CCND2: variants seen among roughly 807,000 people sequenced by gnomAD.
CCND2 encodes the protein G1/S-specific cyclin-D2.
Under a neutral mutation model 30.2 loss-of-function variants are expected in CCND2, and 6 were observed. The observed-to-expected ratio is 0.20, with a 90% CI of 0.11 to 0.39. The LOEUF is 0.39. Ranked by LOEUF, CCND2 falls within the 10% of genes least tolerant of loss-of-function variation. CCND2 has a pLI of 1.00. For synonymous variants in CCND2, 150 were observed against 153.1 expected, an observed-to-expected ratio of 0.98 and a Z score of 0.15; for missense variants, 235 against 373.4, an observed-to-expected ratio of 0.63 and a Z score of 3.06.
rs142410257 is a variant in CCND2, at chr12:4,296,121, C to T, written c.721-3739C>T. ...GACACTGGGAACTCCAAAGGGAAGA[C>T]GCGCATGGCCTGAAACCGAGTTCTT... On this transcript the variant is annotated intron_variant, in intron 4 of 4. Transcript: ENST00000261254. Among the ~76,000 whole-genome samples, 40 of 152,332 alleles carry T rather than the reference C, an allele frequency of 2.6e-4. No individual in the cohort carries two copies. The East Asian group carries it at 6.6e-3, about 25-fold the overall frequency.
rs568048546 is a variant in CCND2, at chr12:4,282,201, G to C, written c.571+3282G>C. 6.6e-6 allele frequency among the ~76,000 whole-genome samples: 1 copy of C among 152,156 alleles called. No individual in the cohort carries two copies. Among genetic ancestry groups the C allele is most frequent in the Non-Finnish European group, 1.5e-5 (1 of 68,008 alleles). On this transcript the variant is annotated intron_variant, in intron 3 of 4. Transcript: ENST00000261254. This position sits in a 1 kb window ranked among gnomAD's most constrained non-coding sequence, Gnocchi z 4.3. The stretch of plus-strand genomic sequence containing the variant: ...TTCCAGTTAGTCTAGCAGAGCCAAT[G>C]GCATTGAGTTTACACCTGGCACCGG...
At chr12:4,296,406 G>A (rs1291501696) in intron 4 of CCND2, among the ~76,000 whole-genome samples, 1 of 152,254 alleles carries the variant, frequency 6.6e-6, no homozygotes, top group Non-Finnish European at 1.5e-5. Context: ...ATTCACCAAG[G>A]GCTGTGCCAT....
At chr12:4,288,582 T>C (rs1565435193) in intron 3 of CCND2, among the ~76,000 whole-genome samples, 1 of 152,218 alleles carries the variant, frequency 6.6e-6, no homozygotes, top group Non-Finnish European at 1.5e-5. Flanking sequence ...TTGAATCCTC[T>C]GTGCATTCAT....
intron 4 of CCND2, among the ~76,000 whole-genome samples, chr12:4,290,183 C>T (rs962606156): frequency 7.9e-5 from 12 of 152,316 alleles, no homozygotes; most frequent in Admixed American, 2.0e-4. Flanking sequence ...TGCAGCTCGC[C>T]GGCCTCCTCG....
chr12:4,280,347 A>G (rs974863354), intron 3 of CCND2, among the ~76,000 whole-genome samples: 4 of 152,212 alleles, frequency 2.6e-5, no homozygotes, highest in Non-Finnish European at 5.9e-5. Context: ...CTGCACTTGC[A>G]GGCTTGAGTG....
At position 4,282,779 on chromosome 12, in the gene CCND2, T is replaced by C. The variant is rs1863967163; in HGVS notation, c.571+3860T>C. On this transcript the variant is annotated intron_variant, in intron 3 of 4. Transcript: ENST00000261254. This position sits in a 1 kb window ranked among gnomAD's most constrained non-coding sequence, Gnocchi z 4.3. Reference sequence around the variant, plus strand: ...AGCAGGCCTTGCAGTTGCATGGGCATTCCCTTGCCATGGCAGCCCTGCCCC... The same window carrying C: ...AGCAGGCCTTGCAGTTGCATGGGCACTCCCTTGCCATGGCAGCCCTGCCCC... 6.6e-6 allele frequency among the ~76,000 whole-genome samples: 1 copy of C among 152,218 alleles called. No homozygotes were observed. The highest frequency in any genetic ancestry group is 6.5e-5 in the Admixed American group (1 of 15,282).
chr12:4,277,168 G>A (rs1437562912), intron 2 of CCND2, among the ~76,000 whole-genome samples: 1 of 152,242 alleles, frequency 6.6e-6, no homozygotes, highest in African/African-American at 2.4e-5. Context: ...CGAGAATGTG[G>A]AGAGGGGCCT....
In CCND2 at chr12:4,287,716, T is replaced by G. The variant is rs1864043018; in HGVS notation, c.572-1126T>G. On this transcript the variant is annotated intron_variant, in intron 3 of 4. Coordinates refer to ENST00000261254, the MANE Select transcript of CCND2 (RefSeq NM_001759.4). The surrounding 1 kb of genome is among the most constrained non-coding windows in gnomAD (Gnocchi z 4.0). ...CATCTTCTGTGGCTGATGGGTAAAT[T>G]AAACAGGACGTAATGTGTAGCGTAC... Among the ~76,000 whole-genome samples, 1 of 152,192 alleles carries G rather than the reference T, an allele frequency of 6.6e-6. No homozygotes were observed. Among genetic ancestry groups the G allele is most frequent in the South Asian group, 2.1e-4 (1 of 4,832 alleles).
chr12:4,293,522 ACAGTACC>A lies in CCND2; in HGVS notation c.720+4535_720+4541del, dbSNP rs1565436789. On this transcript the variant is annotated intron_variant, in intron 4 of 4. Coordinates refer to ENST00000261254, the MANE Select transcript of CCND2 (RefSeq NM_001759.4). The surrounding 1 kb of genome is among the most constrained non-coding windows in gnomAD (Gnocchi z 4.9). ...CGAACCCGTCACCCAGACAGTGTACACAGTACCCAATAGGGAGTGTTTCAACTCTCGT... is the reference window on the plus strand; with the variant it reads ...CGAACCCGTCACCCAGACAGTGTACACAATAGGGAGTGTTTCAACTCTCGT... 6.6e-6 allele frequency among the ~76,000 whole-genome samples: 1 copy of A among 151,974 alleles called. No individual in the cohort carries two copies.
intron 3 of CCND2, among the ~76,000 whole-genome samples, chr12:4,280,219 T>C (rs1455921029): frequency 6.6e-6 from 1 of 152,266 alleles, no homozygotes; most frequent in African/African-American, 2.4e-5. Flanking sequence ...CCTTCACTAA[T>C]TGTGAAAATG....
In CCND2 at chr12:4,301,227, T is replaced by C; in HGVS notation, c.*1218T>C. ...CCTGTAAACTAAAATCTGTTACCAT[T>C]CTGATGGCACAGAAGGATCTTAATT... On this transcript the variant is annotated 3_prime_UTR_variant, in exon 5 of 5. Transcript: ENST00000261254. 8.6e-6 allele frequency: 2 copies of C among 233,714 alleles called. No individual in the cohort carries two copies. The highest frequency in any genetic ancestry group is 8.5e-6 in the Non-Finnish European group (1 of 118,044). 14.5% of individuals were successfully genotyped at this position (233,714 alleles called of 1,614,324 possible).
At chr12:4,281,359 G>T (rs764518085) in intron 3 of CCND2, among the ~76,000 whole-genome samples, 1 of 152,178 alleles carries the variant, frequency 6.6e-6, no homozygotes, top group Non-Finnish European at 1.5e-5. Flanking sequence ...CGCTTTTCTT[G>T]AAGGAAACAC....
chr12:4,283,817 G>A (rs941181216), intron 3 of CCND2, among the ~76,000 whole-genome samples: 1 of 152,186 alleles, frequency 6.6e-6, no homozygotes, highest in Non-Finnish European at 1.5e-5. Context: ...GAATGTGCTG[G>A]GTTAGAGTTG....
chr12:4,286,944 G>A (rs541747849), intron 3 of CCND2, among the ~76,000 whole-genome samples: 1 of 152,334 alleles, frequency 6.6e-6, no homozygotes, highest in Non-Finnish European at 1.5e-5. Flanking sequence ...GCCATGGGCC[G>A]GCTGCCCCGC....
intron 3 of CCND2, among the ~76,000 whole-genome samples, chr12:4,279,349 A>G (rs187081924): frequency 2.1e-3 from 326 of 152,228 alleles, no homozygotes; most frequent in Admixed American, 5.2e-3. Flanking sequence ...GTCAAGATAA[A>G]TATGCTGCCT....
At chr12:4,289,759 G>C (rs1192400052) in intron 4 of CCND2, among the ~76,000 whole-genome samples, 2 of 152,180 alleles carry the variant, frequency 1.3e-5, no homozygotes, top group Non-Finnish European at 2.9e-5. Flanking sequence ...ATGGTGCCAA[G>C]AGGTCAGAGA....
chr12:4,286,987 G>A (rs995910914), intron 3 of CCND2, among the ~76,000 whole-genome samples: 1 of 152,238 alleles, frequency 6.6e-6, no homozygotes, highest in Non-Finnish European at 1.5e-5. Flanking sequence ...GGGAGCTAAC[G>A]AGGTTATTGG....
rs1174766405 is a variant in CCND2 at position 4,293,946 on chromosome 12, C to T, written c.720+4956C>T. Among the ~76,000 whole-genome samples the T allele has an allele frequency of 1.3e-5, 2 of 152,098 alleles. No homozygotes were observed. ...TCTCCTGCCTCATTTTTCTGTGGGC[C>T]TCATTTGGTATGCAAGGAAATAAGC... On this transcript the variant is annotated intron_variant, in intron 4 of 4. Transcript: ENST00000261254. The surrounding 1 kb of genome is among the most constrained non-coding windows in gnomAD (Gnocchi z 4.9).
chr12:4,295,798 G>A (rs1397438352), intron 4 of CCND2, among the ~76,000 whole-genome samples: 4 of 152,220 alleles, frequency 2.6e-5, no homozygotes, highest in African/African-American at 4.8e-5. Flanking sequence ...AAAGCTGGCC[G>A]TAGTCAAGTC....
Sources: gnomAD v4.1 joint callset for allele counts (sites outside exome capture counted in the v4.1 genomes callset) on GRCh38, gnomAD v4.1.1 for gene constraint, Gnocchi (gnomAD v3.1) non-coding constraint, MANE v1.5 for transcripts, NCBI Gene and HGNC (gene_info 2026-07-23, HGNC 2026-07-21) for gene names.